KCNN2: variants seen among roughly 807,000 people sequenced by gnomAD.
The protein encoded by KCNN2 is potassium calcium-activated channel subfamily N member 2.
In KCNN2, 24 loss-of-function variants were observed where a neutral mutation model predicts 55.5. That is an observed-to-expected ratio of 0.43 (90% CI 0.31 to 0.61). KCNN2 has a LOEUF of 0.61. KCNN2 is among the 20% of genes least tolerant of loss of function. The probability of loss-of-function intolerance (pLI) is 0.08; values close to 1 mark genes in which losing one functional copy is unlikely to be tolerated. For missense variants in KCNN2, 754 were observed against 853.6 expected (o/e 0.88, Z 1.45); for synonymous variants, 431 against 336.1 (o/e 1.28, Z -3.09).
chr5:114,192,093 C>A (rs987296926), intron 1 of KCNN2, among the ~76,000 whole-genome samples: 7 of 152,156 alleles, frequency 4.6e-5, no homozygotes, highest in Non-Finnish European at 8.8e-5. Context: ...CCAAGATGTG[C>A]ATTTTTAGGA....
chr5:114,125,746 C>G (rs890946217), intron 1 of KCNN2, among the ~76,000 whole-genome samples: 23 of 152,184 alleles, frequency 1.5e-4, no homozygotes, highest in Non-Finnish European at 3.2e-4. Context: ...TGAGGCCTCT[C>G]TCTTTGTCTT....
chr5:114,207,696 A>G (rs1189301612), intron 1 of KCNN2, among the ~76,000 whole-genome samples: 11 of 152,196 alleles, frequency 7.2e-5, no homozygotes, highest in Admixed American at 7.2e-4. Context: ...AATTACTTTC[A>G]GGAGCATTAA....
At position 114,228,459 on chromosome 5, in the gene KCNN2, A is replaced by G. The variant is rs1420138553; in HGVS notation, c.-185+6894A>G. ...TTTAAAAGCAGACAGTTTAAAATGT[A>G]TAACTTTTAACCATCTATCTAATTT... On this transcript the variant is annotated intron_variant, in intron 2 of 10. Coordinates refer to the KCNN2 transcript ENST00000512097. Among the ~76,000 whole-genome samples, 7 of 152,216 alleles carry G rather than the reference A, an allele frequency of 4.6e-5. No individual in the cohort carries two copies. In the East Asian group the frequency reaches 1.3e-3, roughly 29 times the overall value.
chr5:114,163,822 A>G (rs555274983), intron 1 of KCNN2, among the ~76,000 whole-genome samples: 37 of 152,352 alleles, frequency 2.4e-4, no homozygotes, highest in Non-Finnish European at 4.6e-4. Context: ...AATACTTAAC[A>G]TACATAAGTA....
chr5:114,229,865 A>G (rs1187477838), intron 2 of KCNN2, among the ~76,000 whole-genome samples: 1 of 152,176 alleles, frequency 6.6e-6, no homozygotes, highest in Non-Finnish European at 1.5e-5. Flanking sequence ...AGAGTATGGA[A>G]GGAGAGGCTG....
intron 2 of KCNN2, among the ~76,000 whole-genome samples, chr5:114,393,314 G>A (rs1003972281): frequency 6.6e-6 from 1 of 152,170 alleles, no homozygotes; most frequent in Non-Finnish European, 1.5e-5. Flanking sequence ...AAACAGTTAT[G>A]TAATGTAATG....
chr5:114,165,957 T>C (rs527516915), intron 1 of KCNN2, among the ~76,000 whole-genome samples: 19 of 152,266 alleles, frequency 1.2e-4, no homozygotes, highest in Non-Finnish European at 2.2e-4. Context: ...TGTTTTTTTC[T>C]TACTGACTTT....
At chr5:114,224,115 G>A (rs1018325846) in intron 2 of KCNN2, among the ~76,000 whole-genome samples, 4 of 152,070 alleles carry the variant, frequency 2.6e-5, no homozygotes, top group Non-Finnish European at 4.4e-5. Context: ...GCCCCCTTTT[G>A]GTAGAGCCTA....
intron 1 of KCNN2, among the ~76,000 whole-genome samples, chr5:114,158,795 C>G (rs1018656143): frequency 3.9e-5 from 6 of 152,010 alleles, no homozygotes; most frequent in African/African-American, 1.5e-4. Flanking sequence ...CATGATTTGG[C>G]TCTCTGTTTG....
chr5:114,062,217 T>G (rs1450894052), intron 1 of KCNN2, among the ~76,000 whole-genome samples: 1 of 152,148 alleles, frequency 6.6e-6, no homozygotes, highest in Admixed American at 6.5e-5. Context: ...CCTAATCTAC[T>G]TCTGTGTTTT....
At chr5:114,057,749 A>T (rs1750242059) in intron 1 of KCNN2, among the ~76,000 whole-genome samples, 2 of 152,178 alleles carry the variant, frequency 1.3e-5, no homozygotes, top group African/African-American at 4.8e-5. Flanking sequence ...TCAGACTGAG[A>T]CCCTGAAGAA....
intron 6 of KCNN2, among the ~76,000 whole-genome samples, chr5:114,487,638 A>G (rs948291098): frequency 6.6e-6 from 1 of 151,754 alleles, no homozygotes; most frequent in Non-Finnish European, 1.5e-5. Context: ...TAGACCTTTT[A>G]CTCTCTTATC....
intron 1 of KCNN2, among the ~76,000 whole-genome samples, chr5:114,183,158 A>AAT (rs1561512840): frequency 6.6e-6 from 1 of 152,106 alleles, no homozygotes; most frequent in Non-Finnish European, 1.5e-5. Context: ...TTATAATCTT[A>AAT]ATAGAGTGAA....
At chr5:114,317,505 A>G (rs1052385429) in intron 2 of KCNN2, among the ~76,000 whole-genome samples, 1 of 152,184 alleles carries the variant, frequency 6.6e-6, no homozygotes, top group African/African-American at 2.4e-5. Flanking sequence ...TTCTTAGACT[A>G]TACTTGTTGA....
chr5:114,263,574 C>G (rs1755153698), intron 2 of KCNN2, among the ~76,000 whole-genome samples: 1 of 152,174 alleles, frequency 6.6e-6, no homozygotes, highest in African/African-American at 2.4e-5. Flanking sequence ...GAATCTGGCT[C>G]TTGCTCAGTG....
intron 2 of KCNN2, among the ~76,000 whole-genome samples, chr5:114,232,136 G>T (rs1226781115): frequency 2.7e-5 from 4 of 150,860 alleles, no homozygotes; most frequent in Non-Finnish European, 5.9e-5. Context: ...CTGTGACTTG[G>T]CTTCACTTTG....
chr5:114,187,036 T>C (rs1198245089), intron 1 of KCNN2, among the ~76,000 whole-genome samples: 1 of 152,200 alleles, frequency 6.6e-6, no homozygotes, highest in Non-Finnish European at 1.5e-5. Flanking sequence ...TTAAATATAT[T>C]ATCATTAATT....
intron 1 of KCNN2, among the ~76,000 whole-genome samples, chr5:114,157,671 T>C (rs2112525837): frequency 6.6e-6 from 1 of 152,300 alleles, no homozygotes; most frequent in South Asian, 2.1e-4. Context: ...GCACCTGTTG[T>C]TTCCTGACTT....
At chr5:114,414,358 T>C (rs1033965681) in intron 3 of KCNN2, among the ~76,000 whole-genome samples, 1 of 152,208 alleles carries the variant, frequency 6.6e-6, no homozygotes, top group African/African-American at 2.4e-5. Context: ...TTTAGTATTG[T>C]ATCCCCAAGC....
Sources: gnomAD v4.1 joint callset for allele counts (sites outside exome capture counted in the v4.1 genomes callset) on GRCh38, gnomAD v4.1.1 for gene constraint, MANE v1.5 for transcripts, NCBI Gene and HGNC (gene_info 2026-07-23, HGNC 2026-07-21) for gene names.